EYS: variants seen among roughly 807,000 people sequenced by gnomAD.
EYS encodes protein eyes shut homolog.
EYS carries 250 observed loss-of-function variants against 282.1 expected under a neutral mutation model. The observed-to-expected ratio is 0.89, with a 90% confidence interval of 0.80 to 0.98. The LOEUF (loss-of-function observed/expected upper bound fraction) is 0.98. Ranked by LOEUF, EYS falls within the 50% of genes least tolerant of loss-of-function variation. The probability of loss-of-function intolerance (pLI) is 0.00; values close to 1 mark genes in which losing one functional copy is unlikely to be tolerated. For synonymous variants in EYS, 1,355 were observed against 1,282.9 expected (o/e 1.06, Z -1.20); for missense variants, 4,016 against 3,709.0 (o/e 1.08, Z -2.15).
At chr6:64,503,711 CA>C (rs1777125192) in intron 26 of EYS, among the ~76,000 whole-genome samples, 1 of 152,140 alleles carries the variant, frequency 6.6e-6, no homozygotes, top group Admixed American at 6.5e-5. Context: ...TCCGAACCAT[CA>C]AAAACTCAGT....
chr6:64,268,515 T>C (rs1246888371), intron 30 of EYS, among the ~76,000 whole-genome samples: 1 of 152,002 alleles, frequency 6.6e-6, no homozygotes, highest in Non-Finnish European at 1.5e-5. Context: ...GACAACACAT[T>C]TGAGGAGGTG....
At chr6:65,656,553 T>G (rs2149822540) in intron 1 of EYS, among the ~76,000 whole-genome samples, 2 of 151,954 alleles carry the variant, frequency 1.3e-5, no homozygotes, top group Middle Eastern at 3.4e-3. Flanking sequence ...TCTCTTCAAT[T>G]ACGTGAAGAC....
intron 29 of EYS, among the ~76,000 whole-genome samples, chr6:64,329,678 T>G (rs1238285250): frequency 6.6e-6 from 1 of 152,158 alleles, no homozygotes; most frequent in African/African-American, 2.4e-5. Context: ...ATGGGATTAC[T>G]AAGCATATAG....
chr6:64,099,793 A>G (rs918078020), intron 31 of EYS, among the ~76,000 whole-genome samples: 4 of 152,190 alleles, frequency 2.6e-5, no homozygotes, highest in African/African-American at 9.6e-5. Context: ...TGGGTTAACT[A>G]CAACCATAAA....
At chr6:65,612,870 T>TG (rs1442818527) in intron 2 of EYS, among the ~76,000 whole-genome samples, 10 of 151,680 alleles carry the variant, frequency 6.6e-5, no homozygotes, top group Admixed American at 6.6e-4. Flanking sequence ...TTAAGTATTT[T>TG]GTTTTTTTTA....
At chr6:64,140,744 C>T (rs1424630537) in intron 31 of EYS, among the ~76,000 whole-genome samples, 1 of 152,148 alleles carries the variant, frequency 6.6e-6, no homozygotes, top group Non-Finnish European at 1.5e-5. Flanking sequence ...CTGCCTTCTC[C>T]CCTTAGGCAC....
chr6:64,478,739 G>A (rs1009623402), intron 26 of EYS, among the ~76,000 whole-genome samples: 1 of 150,808 alleles, frequency 6.6e-6, no homozygotes, highest in East Asian at 1.9e-4. Context: ...ATGGCCTTGA[G>A]AATATATGTA....
intron 2 of EYS, among the ~76,000 whole-genome samples, chr6:65,618,300 C>T (rs953015429): frequency 2.0e-5 from 3 of 152,256 alleles, no homozygotes; most frequent in Non-Finnish European, 4.4e-5. Flanking sequence ...TCTCTGACGG[C>T]CAGTGATGGT....
At chr6:65,087,061 T>C (rs1396092074) in intron 12 of EYS, among the ~76,000 whole-genome samples, 1 of 152,064 alleles carries the variant, frequency 6.6e-6, no homozygotes, top group Non-Finnish European at 1.5e-5. Context: ...GACCTCATAA[T>C]CCACCTGCCT....
chr6:65,080,908 C>A (rs1330919941), intron 12 of EYS, among the ~76,000 whole-genome samples: 7 of 151,940 alleles, frequency 4.6e-5, no homozygotes, highest in Non-Finnish European at 1.0e-4. Context: ...GATGAACAAC[C>A]TGGTATCTTT....
At chr6:64,020,124 T>C (rs1475904001) in intron 33 of EYS, among the ~76,000 whole-genome samples, 5 of 152,034 alleles carry the variant, frequency 3.3e-5, no homozygotes, top group African/African-American at 1.2e-4. Flanking sequence ...AACAGTTAGG[T>C]AGAAGGAATG....
chr6:64,476,140 G>T (rs1004557058), intron 26 of EYS, among the ~76,000 whole-genome samples: 19 of 152,168 alleles, frequency 1.2e-4, no homozygotes, highest in Admixed American at 1.2e-3. Flanking sequence ...AGGCCATTCA[G>T]CCCAGGGAGC....
At chr6:65,227,851 A>G (rs1360732905) in intron 12 of EYS, among the ~76,000 whole-genome samples, 5 of 152,150 alleles carry the variant, frequency 3.3e-5, no homozygotes, top group Admixed American at 6.5e-5. Flanking sequence ...TTCTACTTAT[A>G]TAATGTATAA....
At chr6:65,537,087 T>A (rs569229564) in intron 2 of EYS, among the ~76,000 whole-genome samples, 1 of 152,222 alleles carries the variant, frequency 6.6e-6, no homozygotes, top group South Asian at 2.1e-4. Flanking sequence ...CTCAGCAAAC[T>A]AACTCATGAA....
intron 35 of EYS, among the ~76,000 whole-genome samples, chr6:63,915,716 T>A (rs1764405747): frequency 6.6e-6 from 1 of 152,166 alleles, no homozygotes; most frequent in South Asian, 2.1e-4. Context: ...ATGGAAGAAG[T>A]TGATTCCAGT....
chr6:65,154,243 C>T (rs1031699769), intron 12 of EYS, among the ~76,000 whole-genome samples: 2 of 150,782 alleles, frequency 1.3e-5, no homozygotes, highest in African/African-American at 2.4e-5. Flanking sequence ...AGAAAATTCA[C>T]GTAGGTACAG....
chr6:64,239,968 A>G (rs186340757), intron 30 of EYS, among the ~76,000 whole-genome samples: 50 of 152,334 alleles, frequency 3.3e-4, no homozygotes, highest in African/African-American at 9.1e-4. Context: ...AGCTTTTTGC[A>G]TATGGCTAGC....
intron 26 of EYS, among the ~76,000 whole-genome samples, chr6:64,547,211 C>A (rs926195251): frequency 2.0e-5 from 3 of 152,098 alleles, no homozygotes; most frequent in Non-Finnish European, 4.4e-5. Context: ...AAAGCTTCCA[C>A]AGTGTGGAAG....
At chr6:65,392,418 C>T (rs1562146550) in intron 7 of EYS, among the ~76,000 whole-genome samples, 1 of 152,148 alleles carries the variant, frequency 6.6e-6, no homozygotes, top group Admixed American at 6.5e-5. Flanking sequence ...TCGCAATCTA[C>T]TCATCTGACA....
Sources: allele counts gnomAD v4.1 joint callset (sites outside exome capture counted in the v4.1 genomes callset), GRCh38; gene constraint gnomAD v4.1.1; transcripts MANE v1.5; gene names NCBI Gene and HGNC (gene_info 2026-07-23, HGNC 2026-07-21).